The following RPTOR variants were observed in gnomAD, a reference collection of about 807,000 sequenced individuals.
The protein encoded by RPTOR is regulatory-associated protein of mTOR.
A neutral mutation model predicts 169.9 loss-of-function variants in RPTOR; 21 were observed. The ratio of observed to expected loss-of-function variants is 0.12; its 90% confidence interval spans 0.09 to 0.18. The LOEUF is 0.18. Ranked by LOEUF, RPTOR falls within the 10% of genes least tolerant of loss-of-function variation. The pLI is 1.00. For synonymous variants in RPTOR, 732 were observed against 753.2 expected (o/e 0.97, Z 0.46); for missense variants, 1,133 against 1,855.9 (o/e 0.61, Z 7.16).
At chr17:80,933,440 G>T (rs1209422724) in intron 24 of RPTOR, among the ~76,000 whole-genome samples, 1 of 152,104 alleles carries the variant, frequency 6.6e-6, no homozygotes, top group East Asian at 1.9e-4. Context: ...AGAAATGTAA[G>T]ACTTGTACTG....
At chr17:80,751,912 C>T (rs2066634405) in intron 5 of RPTOR, among the ~76,000 whole-genome samples, 1 of 152,226 alleles carries the variant, frequency 6.6e-6, no homozygotes, top group South Asian at 2.1e-4. Flanking sequence ...TGTTGTTCCA[C>T]ATCCCCAGCC....
chr17:80,740,732 A>C (rs530542534), intron 5 of RPTOR, among the ~76,000 whole-genome samples: 2 of 152,288 alleles, frequency 1.3e-5, no homozygotes, highest in Non-Finnish European at 2.9e-5. Flanking sequence ...CAAAAAAAAA[A>C]CTTTCAGTGA....
intron 6 of RPTOR, among the ~76,000 whole-genome samples, chr17:80,785,920 T>A (rs1190440415): frequency 1.3e-5 from 2 of 152,180 alleles, no homozygotes. Context: ...GGTGCCACAC[T>A]CCAGCACATC....
At chr17:80,684,965 A>G (rs1030207697) in intron 3 of RPTOR, among the ~76,000 whole-genome samples, 1 of 152,202 alleles carries the variant, frequency 6.6e-6, no homozygotes, top group African/African-American at 2.4e-5. Context: ...ACCGCATTGT[A>G]TAACCTTGTT....
intron 20 of RPTOR, among the ~76,000 whole-genome samples, chr17:80,902,590 G>A (rs1328091117): frequency 2.0e-5 from 3 of 152,280 alleles, no homozygotes; most frequent in African/African-American, 7.2e-5. Context: ...CCCAGCCCAT[G>A]CGTCTGCCCT....
rs182099221 is a variant in RPTOR, at chr17:80,709,783, C to T, written c.507+1784C>T. Reference sequence around the variant, plus strand: ...CCATTAAGATCGCGCACCCTGTGTCCGCCCGCCGGCTCCCTGCTGCTCAAA... The same window carrying T: ...CCATTAAGATCGCGCACCCTGTGTCTGCCCGCCGGCTCCCTGCTGCTCAAA... On this transcript the variant is annotated intron_variant, in intron 4 of 33. Transcript: ENST00000306801. 2.7e-3 allele frequency among the ~76,000 whole-genome samples: 413 copies of T among 152,220 alleles called. 2 individuals carry two copies. The highest frequency in any genetic ancestry group is 9.4e-3 in the African/African-American group (391 of 41,528).
At chr17:80,656,798 G>A (rs1277126581) in intron 3 of RPTOR, among the ~76,000 whole-genome samples, 2 of 152,158 alleles carry the variant, frequency 1.3e-5, no homozygotes, top group Non-Finnish European at 2.9e-5. Context: ...TGCTCACATC[G>A]AAGGGGCAAG....
intron 1 of RPTOR, among the ~76,000 whole-genome samples, chr17:80,549,891 G>A (rs1443270546): frequency 6.6e-6 from 1 of 152,190 alleles, no homozygotes; most frequent in Admixed American, 6.5e-5. Flanking sequence ...GCATGTGTAG[G>A]ACCACTGACA....
chr17:80,838,666 G>A (rs777933596), intron 10 of RPTOR, among the ~76,000 whole-genome samples: 37 of 152,238 alleles, frequency 2.4e-4, no homozygotes, highest in Non-Finnish European at 1.3e-4. Context: ...GGGAGCAATC[G>A]GCAAGAGGGC....
chr17:80,855,544 C>T lies in RPTOR; in HGVS notation c.1395C>T (p.Ser465=), dbSNP rs1598355496. Residue 465 remains serine (S), a synonymous_variant, in exon 12 of 34, where the codon AGC becomes AGT. Transcript: ENST00000306801. ...TGGACCTGGGTCCCTGGGCAGTGAG[C>T]CTGGTGCGTGCCTTCCGCATTAACC... The part of the protein sequence containing the change: ...RFLDLGPWAV[S]LALSVGIFPY... 2 of 1,610,858 alleles carry T rather than the reference C, an allele frequency of 1.2e-6. No homozygotes were observed. Among genetic ancestry groups the T allele is most frequent in the East Asian group, 4.5e-5 (2 of 44,868 alleles).
intron 3 of RPTOR, among the ~76,000 whole-genome samples, chr17:80,670,756 G>A (rs1332728488): frequency 6.6e-6 from 1 of 152,202 alleles, no homozygotes; most frequent in Admixed American, 6.5e-5. Context: ...ACGACACACA[G>A]TAGTTGTTGA....
At chr17:80,819,293 A>G (rs991251817) in intron 7 of RPTOR, among the ~76,000 whole-genome samples, 3 of 152,226 alleles carry the variant, frequency 2.0e-5, no homozygotes, top group Admixed American at 1.3e-4. Context: ...GGGTATCCCC[A>G]TGATCGCATT....
intron 14 of RPTOR, among the ~76,000 whole-genome samples, chr17:80,880,750 T>C (rs1411651241): frequency 6.6e-6 from 1 of 152,208 alleles, no homozygotes; most frequent in East Asian, 1.9e-4. Context: ...TTTAGTTTAT[T>C]TTAGTCTCTT....
chr17:80,909,336 C>T (rs533116348), intron 21 of RPTOR, among the ~76,000 whole-genome samples: 18 of 152,258 alleles, frequency 1.2e-4, no homozygotes, highest in African/African-American at 4.1e-4. Flanking sequence ...CTGCCTCAGC[C>T]TCCCAAAGTG....
chr17:80,841,575 T>A (rs1200096735), intron 10 of RPTOR, among the ~76,000 whole-genome samples: 2 of 129,428 alleles, frequency 1.5e-5, no homozygotes, highest in African/African-American at 6.2e-5. Context: ...CAGATCACTC[T>A]CACCGCACGG....
chr17:80,862,307 G>A (rs2067925869), intron 13 of RPTOR, among the ~76,000 whole-genome samples: 3 of 152,100 alleles, frequency 2.0e-5, no homozygotes, highest in Admixed American at 1.3e-4. Context: ...GGTAGAAACT[G>A]AGCCTCGTCT....
chr17:80,732,685 ATT>A (rs1370870904), intron 5 of RPTOR, among the ~76,000 whole-genome samples: 1 of 152,216 alleles, frequency 6.6e-6, no homozygotes, highest in Non-Finnish European at 1.5e-5. Flanking sequence ...TACACTTACT[ATT>A]ATTGGCTATT....
intron 5 of RPTOR, among the ~76,000 whole-genome samples, chr17:80,734,715 C>T (rs2066420563): frequency 6.6e-6 from 1 of 152,102 alleles, no homozygotes; most frequent in Non-Finnish European, 1.5e-5. Flanking sequence ...CAGTGCTGGC[C>T]ACAGCTGTCT....
chr17:80,787,251 T>C (rs1431815945), intron 6 of RPTOR, among the ~76,000 whole-genome samples: 2 of 152,256 alleles, frequency 1.3e-5, no homozygotes, highest in African/African-American at 2.4e-5. Context: ...AAAATACTTT[T>C]GGTTGGAATG....
Sources: gnomAD v4.1 joint callset for allele counts (sites outside exome capture counted in the v4.1 genomes callset) on GRCh38, gnomAD v4.1.1 for gene constraint, MANE v1.5 for transcripts, NCBI Gene and HGNC (gene_info 2026-07-23, HGNC 2026-07-21) for gene names.